Variants in ITSN1 observed in about 807,000 individuals in gnomAD.
The protein encoded by ITSN1 is intersectin-1.
ITSN1 carries 58 observed loss-of-function variants against 239.8 expected under a neutral mutation model. The observed-to-expected ratio is 0.24, with a 90% CI of 0.20 to 0.30. The LOEUF (loss-of-function observed/expected upper bound fraction) is 0.30. Among genes scored for constraint, ITSN1 ranks in the 10% least tolerant of loss-of-function variants. The pLI, the probability that ITSN1 is intolerant of heterozygous loss-of-function variation, is 1.00. For missense variants in ITSN1, 1,558 were observed against 2,103.3 expected (o/e 0.74, Z 5.07); for synonymous variants, 780 against 770.8 (o/e 1.01, Z -0.20).
At chr21:33,722,768 C>T in intron 4 of ITSN1, 117 bp downstream of exon 4, 6 of 965,120 alleles carry the variant, frequency 6.2e-6, no homozygotes, top group Non-Finnish European at 8.5e-6. Context: ...TATCTCTAGC[C>T]TGAAATATCT....
intron 4 of ITSN1, among the ~76,000 whole-genome samples, chr21:33,730,315 G>A (rs112769282): frequency 4.0e-5 from 6 of 149,842 alleles, no homozygotes; most frequent in African/African-American, 7.4e-5. Context: ...TGTATATAAC[G>A]TGTATGTATT....
At chr21:33,679,277 A>G (rs184165773) in intron 1 of ITSN1, among the ~76,000 whole-genome samples, 33 of 152,214 alleles carry the variant, frequency 2.2e-4, no homozygotes, top group African/African-American at 7.5e-4. Context: ...TCTTATTCCT[A>G]TGACATTGTA....
In ITSN1 at chr21:33,797,541, G is replaced by T; in HGVS notation, c.2115G>T (p.Leu705=). ...EKGKQEAQDK[L]GRLFHQHQEP... ...GCAAACAGGAAGCACAAGACAAGCTGGGTCGGCTTTTCCATCAACACCAAG... is the reference window on the plus strand; with the variant it reads ...GCAAACAGGAAGCACAAGACAAGCTTGGTCGGCTTTTCCATCAACACCAAG... Residue 705 remains leucine (L), a synonymous_variant, in exon 18 of 40, where the codon CTG becomes CTT. Transcript: ENST00000381318. The surrounding 1 kb of genome is among the most constrained non-coding windows in gnomAD (Gnocchi z 4.9). The T allele has an allele frequency of 1.2e-6, 2 of 1,614,088 alleles. No homozygotes were observed. The highest frequency in any genetic ancestry group is 1.7e-6 in the Non-Finnish European group (2 of 1,180,002).
At chr21:33,879,329 C>T (rs1365440987) in intron 34 of ITSN1, among the ~76,000 whole-genome samples, 1 of 152,022 alleles carries the variant, frequency 6.6e-6, no homozygotes, top group Non-Finnish European at 1.5e-5. Context: ...CCAACGTGGG[C>T]AACAGAGCAA....
intron 1 of ITSN1, among the ~76,000 whole-genome samples, chr21:33,669,166 T>C (rs2146350237): frequency 6.6e-6 from 1 of 152,342 alleles, no homozygotes; most frequent in South Asian, 2.1e-4. Context: ...CACTGCAGGC[T>C]CCGCCTCCTG....
chr21:33,717,722 A>ATT lies in ITSN1; in HGVS notation c.-32-1068_-32-1067dup, dbSNP rs776218924. ...AGGCGCCCGCCACCACGCCCAGCTA[A>ATT]TTTTTTTTGTGTGTGTGTGTGTTTC... is the stretch of plus-strand genomic sequence containing the variant. On this transcript the variant is annotated intron_variant, in intron 1 of 39. Coordinates refer to ENST00000381318, the MANE Select transcript of ITSN1 (RefSeq NM_003024.3). Among the ~76,000 whole-genome samples the ATT allele has an allele frequency of 1.4e-3, 190 of 137,676 alleles. 3 individuals are homozygous for ATT. Among genetic ancestry groups the ATT allele is most frequent in the East Asian group, 7.7e-3 (28 of 3,628 alleles). 90.3% of individuals were successfully genotyped at this position (137,676 alleles called of 152,430 possible).
chr21:33,882,476 T>G lies in ITSN1; in HGVS notation c.4554+21T>G. ...AAACAGTAAGTTGGATTCTAGATTT[T>G]GCATTATCAGGGTTGACGTGTTTGG... On this transcript the variant is annotated intron_variant, in intron 35 of 39. Coordinates refer to ENST00000381318, the MANE Select transcript of ITSN1 (RefSeq NM_003024.3). This position sits in a 1 kb window ranked among gnomAD's most constrained non-coding sequence, Gnocchi z 4.5. 6 of 1,605,498 alleles carry G rather than the reference T, an allele frequency of 3.7e-6. No individual in the cohort carries two copies. The South Asian group carries it at 6.6e-5, about 18-fold the overall frequency.
At chr21:33,798,939 C>A (rs1452221590) in intron 18 of ITSN1, among the ~76,000 whole-genome samples, 1 of 152,034 alleles carries the variant, frequency 6.6e-6, no homozygotes, top group African/African-American at 2.4e-5. Flanking sequence ...AGTTTAAGTT[C>A]TTCATGCGTC....
intron 1 of ITSN1, among the ~76,000 whole-genome samples, chr21:33,690,353 A>T (rs1254825792): frequency 1.3e-5 from 2 of 151,760 alleles, no homozygotes; most frequent in Non-Finnish European, 2.9e-5. Flanking sequence ...TAATCCCAGC[A>T]CTTTGGGAGG....
At chr21:33,717,193 T>C (rs879723311) in intron 1 of ITSN1, among the ~76,000 whole-genome samples, 370 of 152,124 alleles carry the variant, frequency 2.4e-3, no homozygotes, top group Admixed American at 4.1e-3. Flanking sequence ...CATTCTTTTT[T>C]TTTTTTTAAT....
intron 1 of ITSN1, among the ~76,000 whole-genome samples, chr21:33,717,790 A>T (rs1446608865): frequency 6.6e-6 from 1 of 151,188 alleles, no homozygotes; most frequent in Non-Finnish European, 1.5e-5. Context: ...GATGGTCTCG[A>T]TCTCCTGACC....
chr21:33,867,676 G>A (rs1474346959), intron 33 of ITSN1, among the ~76,000 whole-genome samples: 14 of 151,618 alleles, frequency 9.2e-5, no homozygotes, highest in Admixed American at 7.9e-4. Flanking sequence ...TACTGTGTCC[G>A]GAATTGGTGG....
intron 1 of ITSN1, among the ~76,000 whole-genome samples, chr21:33,695,794 G>A (rs2091768527): frequency 6.6e-6 from 1 of 152,168 alleles, no homozygotes. Flanking sequence ...CTTTAATGGT[G>A]CAGCCAGATC....
At chr21:33,784,440 CTG>C (rs1239150867) in intron 16 of ITSN1, among the ~76,000 whole-genome samples, 2 of 152,012 alleles carry the variant, frequency 1.3e-5, no homozygotes, top group African/African-American at 2.4e-5. Context: ...GAGGTTGGGG[CTG>C]CAGTGAGCCA....
At chr21:33,814,778 C>T (rs954512097) in intron 22 of ITSN1, among the ~76,000 whole-genome samples, 5 of 152,012 alleles carry the variant, frequency 3.3e-5, no homozygotes, top group Admixed American at 2.6e-4. Context: ...GCCGGCAGGG[C>T]GGTGCCACCA....
chr21:33,673,806 G>T (rs1259951591), intron 1 of ITSN1, among the ~76,000 whole-genome samples: 1 of 152,150 alleles, frequency 6.6e-6, no homozygotes, highest in Non-Finnish European at 1.5e-5. Flanking sequence ...CAGAAAATTT[G>T]CTATTGGTGT....
chr21:33,833,026 G>A (rs1044565908), intron 27 of ITSN1, among the ~76,000 whole-genome samples: 8 of 151,926 alleles, frequency 5.3e-5, no homozygotes, highest in Admixed American at 3.3e-4. Flanking sequence ...GTATGTGTAC[G>A]CATGTGTGTG....
rs1555979741 is a variant in ITSN1 at position 33,895,642 on chromosome 21, C to CCT, written c.*7342_*7343insCT. ...GTATTTGTGTGTGTGCGTGTGTGTGCGTGTGTATGTGCGTGTATGCATGTG... is the reference window on the plus strand; with the variant it reads ...GTATTTGTGTGTGTGCGTGTGTGTGCCTGTGTGTATGTGCGTGTATGCATGTG... On this transcript the variant is annotated 3_prime_UTR_variant, in exon 40 of 40. Coordinates refer to ENST00000381318, the MANE Select transcript of ITSN1 (RefSeq NM_003024.3). The CCT allele has an allele frequency of 6.8e-6, 1 of 148,112 alleles. No homozygotes were observed. The highest frequency in any genetic ancestry group is 6.7e-5 in the Admixed American group (1 of 14,878). The allele number at this position is 148,112 out of a possible 1,614,324, so 9.2% of individuals were successfully genotyped here. A position where few individuals can be genotyped will look rare whatever the true frequency, so the allele number is the denominator to read the frequency against.
chr21:33,763,636 G>T (rs7282718), intron 9 of ITSN1, among the ~76,000 whole-genome samples: 31,442 of 151,236 alleles, frequency 0.21, 4,002 homozygotes, highest in Non-Finnish European at 0.27. Context: ...TTTTTGTTTT[G>T]TTGTTTTGTT....
Sources: gnomAD v4.1 joint callset for allele counts (sites outside exome capture counted in the v4.1 genomes callset) on GRCh38, gnomAD v4.1.1 for gene constraint, Gnocchi (gnomAD v3.1) non-coding constraint, MANE v1.5 for transcripts, NCBI Gene and HGNC (gene_info 2026-07-23, HGNC 2026-07-21) for gene names.